Variants in NTM observed in about 807,000 individuals in gnomAD.
NTM encodes neurotrimin, also known as IgLON family member 2.
Under a neutral mutation model 42.1 loss-of-function variants are expected in NTM, and 13 were observed. The observed-to-expected ratio is 0.31, with a 90% confidence interval of 0.20 to 0.49. The LOEUF is 0.49. NTM is among the 20% of genes least tolerant of loss of function. The pLI is 0.99. For missense variants in NTM, 373 were observed against 452.8 expected, an observed-to-expected ratio of 0.82 and a Z score of 1.60; for synonymous variants, 187 against 179.2, an observed-to-expected ratio of 1.04 and a Z score of -0.35.
chr11:131,607,612 T>G (rs2061084460), intron 1 of NTM, among the ~76,000 whole-genome samples: 1 of 152,212 alleles, frequency 6.6e-6, no homozygotes, highest in Non-Finnish European at 1.5e-5. Flanking sequence ...TAGCAGAGCC[T>G]GCCTGTAATG....
intron 1 of NTM, among the ~76,000 whole-genome samples, chr11:131,376,178 C>T (rs544324247): frequency 2.2e-4 from 33 of 152,170 alleles, no homozygotes; most frequent in Middle Eastern, 3.2e-3. Context: ...GGGAGGCCAA[C>T]GGACCATGGG....
intron 4 of NTM, among the ~76,000 whole-genome samples, chr11:132,240,479 T>G: frequency 6.6e-6 from 1 of 152,224 alleles, no homozygotes; most frequent in East Asian, 1.9e-4. Context: ...CGTCTCCAAT[T>G]TTAAAACTGG....
intron 2 of NTM, among the ~76,000 whole-genome samples, chr11:132,088,126 C>A (rs191623830): frequency 1.3e-5 from 2 of 152,266 alleles, no homozygotes; most frequent in Middle Eastern, 3.4e-3. Context: ...TGGTGGAACA[C>A]CCCCAATATT....
chr11:131,838,820 G>A (rs898755564), intron 1 of NTM, among the ~76,000 whole-genome samples: 3 of 152,120 alleles, frequency 2.0e-5, no homozygotes, highest in African/African-American at 7.2e-5. Context: ...AATATCCACT[G>A]AGCATCTACT....
At chr11:131,384,065 G>C (rs1039053106) in intron 1 of NTM, among the ~76,000 whole-genome samples, 2 of 152,082 alleles carry the variant, frequency 1.3e-5, no homozygotes, top group African/African-American at 2.4e-5. Context: ...CTTAGAGGTG[G>C]GTTTTAGAGA....
chr11:132,073,109 T>A (rs1271063235), intron 2 of NTM, among the ~76,000 whole-genome samples: 1 of 152,168 alleles, frequency 6.6e-6, no homozygotes, highest in Non-Finnish European at 1.5e-5. Flanking sequence ...TGGGGCTTTG[T>A]GTCACTGGCA....
chr11:131,397,670 G>A (rs1944710062), intron 1 of NTM, among the ~76,000 whole-genome samples: 1 of 152,122 alleles, frequency 6.6e-6, no homozygotes, highest in African/African-American at 2.4e-5. Context: ...CTCCTTTCCT[G>A]AGTTTATTCT....
chr11:132,113,061 C>A (rs886452783), intron 2 of NTM, among the ~76,000 whole-genome samples: 4 of 152,146 alleles, frequency 2.6e-5, no homozygotes, highest in Admixed American at 2.6e-4. Context: ...GTCATCCTCT[C>A]CTAGGTATTG....
intron 1 of NTM, among the ~76,000 whole-genome samples, chr11:131,418,370 T>C (rs1268895863): frequency 6.6e-6 from 1 of 152,238 alleles, no homozygotes; most frequent in Non-Finnish European, 1.5e-5. Flanking sequence ...TTTGCAGTGA[T>C]GCATGCTAGA....
At chr11:131,496,244 G>A (rs318966) in intron 1 of NTM, among the ~76,000 whole-genome samples, 35,084 of 152,144 alleles carry the variant, frequency 0.23, 4,858 homozygotes, top group African/African-American at 0.38. Flanking sequence ...AACCTAGACA[G>A]CAGCTTTTAC....
At chr11:132,044,110 AT>A (rs2077610377) in intron 2 of NTM, among the ~76,000 whole-genome samples, 1 of 68,124 alleles carries the variant, frequency 1.5e-5, no homozygotes, top group Non-Finnish European at 2.9e-5. Context: ...ATATGTGTGT[AT>A]GTGTATGTGT....
intron 7 of NTM, chr11:132,315,125 A>G: frequency 1.0e-6 from 1 of 970,758 alleles, no homozygotes; most frequent in East Asian, 1.1e-4. Flanking sequence ...GACTGTGGGA[A>G]TCATAATTGG....
intron 1 of NTM, among the ~76,000 whole-genome samples, chr11:131,700,007 A>G (rs2075910534): frequency 6.6e-6 from 1 of 150,726 alleles, no homozygotes; most frequent in Non-Finnish European, 1.5e-5. Context: ...AGATCTCTTG[A>G]CCATGTAGAA....
intron 1 of NTM, among the ~76,000 whole-genome samples, chr11:131,511,989 C>A (rs1198757772): frequency 6.6e-6 from 1 of 152,156 alleles, no homozygotes; most frequent in South Asian, 2.1e-4. Context: ...GCCAGCGCCA[C>A]CTGCTGTCTA....
chr11:132,063,519 A>G (rs2080997483), intron 2 of NTM, among the ~76,000 whole-genome samples: 1 of 152,192 alleles, frequency 6.6e-6, no homozygotes, highest in Admixed American at 6.5e-5. Flanking sequence ...GGTGGATTCC[A>G]ATTTTACAGT....
intron 1 of NTM, among the ~76,000 whole-genome samples, chr11:131,435,120 G>C (rs1565497171): frequency 6.6e-6 from 1 of 152,090 alleles, no homozygotes; most frequent in African/African-American, 2.4e-5. Context: ...TGTTATTTCT[G>C]AGGCCTCTGT....
At chr11:132,119,672 G>C (rs897825008) in intron 2 of NTM, among the ~76,000 whole-genome samples, 5 of 152,250 alleles carry the variant, frequency 3.3e-5, no homozygotes, top group African/African-American at 1.2e-4. Context: ...ATGGAAATAA[G>C]CTGGCAGTCT....
chr11:131,788,707 C>A (rs1286837640), intron 1 of NTM, among the ~76,000 whole-genome samples: 1 of 152,182 alleles, frequency 6.6e-6, no homozygotes, highest in Non-Finnish European at 1.5e-5. Flanking sequence ...TCCTCCTCCC[C>A]ACTTACCTCA....
intron 2 of NTM, among the ~76,000 whole-genome samples, chr11:132,094,465 C>G (rs1488079266): frequency 2.0e-5 from 3 of 152,244 alleles, no homozygotes; most frequent in Admixed American, 1.3e-4. Context: ...ACTCGGGTGT[C>G]TCTCTCTCAT....
Sources: gnomAD v4.1 joint callset for allele counts (sites outside exome capture counted in the v4.1 genomes callset) on GRCh38, gnomAD v4.1.1 for gene constraint, MANE v1.5 for transcripts, NCBI Gene and HGNC (gene_info 2026-07-23, HGNC 2026-07-21) for gene names.